CCDC181: variants seen among roughly 807,000 people sequenced by gnomAD.
The protein encoded by CCDC181 is coiled-coil domain-containing protein 181.
CCDC181 carries 35 observed loss-of-function variants against 58.7 expected under a neutral mutation model. The ratio of observed to expected loss-of-function variants is 0.60; its 90% CI spans 0.46 to 0.79. The LOEUF (loss-of-function observed/expected upper bound fraction) is 0.79. Among genes scored for constraint, CCDC181 ranks in the 30% least tolerant of loss-of-function variants. The pLI is 0.00. For synonymous variants in CCDC181, 183 were observed against 197.5 expected (o/e 0.93, Z 0.62); for missense variants, 517 against 583.9 (o/e 0.89, Z 1.18).
chr1:169,402,342 GAC>G (rs1208616383), intron 4 of CCDC181, among the ~76,000 whole-genome samples: 2 of 152,072 alleles, frequency 1.3e-5, no homozygotes, highest in Non-Finnish European at 2.9e-5. Context: ...GCAACTCCAA[GAC>G]ACATAATTGT....
At chr1:169,414,061 G>A (rs1049071921) in intron 4 of CCDC181, among the ~76,000 whole-genome samples, 8 of 152,028 alleles carry the variant, frequency 5.3e-5, no homozygotes, top group Admixed American at 5.3e-4. Context: ...AGTATAAGGA[G>A]TGGACTGCTG....
chr1:169,435,781 G>C (rs1274534133), intron 2 of CCDC181, among the ~76,000 whole-genome samples: 1 of 152,128 alleles, frequency 6.6e-6, no homozygotes, highest in Non-Finnish European at 1.5e-5. Flanking sequence ...GTGGAATTCT[G>C]TAAGAAAAAT....
At position 169,395,000 on chromosome 1, in the gene CCDC181, C is replaced by A; in HGVS notation, c.*47G>T. ...GTACACAGACCCTAAGAAATCATAT[C>A]CAAAATTTTGATAGCAGCTGCCCAC... On this transcript the variant is annotated 3_prime_UTR_variant, in exon 6 of 6. Coordinates refer to ENST00000367806, the MANE Select transcript of CCDC181 (RefSeq NM_001300969.2). 1 of 1,505,084 alleles carries A rather than the reference C, an allele frequency of 6.6e-7. No individual in the cohort carries two copies. The highest frequency in any genetic ancestry group is 9.0e-7 in the Non-Finnish European group (1 of 1,117,144). 93.2% of individuals were successfully genotyped at this position (1,505,084 alleles called of 1,614,324 possible).
In CCDC181 at chr1:169,405,836, G is replaced by C. The variant is rs540836420; in HGVS notation, c.1216-8445C>G. 3.8e-4 allele frequency among the ~76,000 whole-genome samples: 58 copies of C among 152,234 alleles called. 1 individual carries two copies. Among genetic ancestry groups the C allele is most frequent in the Admixed American group, 2.6e-3 (39 of 15,280 alleles). On this transcript the variant is annotated intron_variant, in intron 4 of 5. Transcript: ENST00000367806. ...AATTAAAATAAAGAGCTTCTGCACA[G>C]CAAAAGAAACTACCATCAGAGTGAA...
At chr1:169,397,723 G>T (rs1335527164) in intron 4 of CCDC181, among the ~76,000 whole-genome samples, 1 of 152,106 alleles carries the variant, frequency 6.6e-6, no homozygotes, top group Non-Finnish European at 1.5e-5. Context: ...AGTAGGAGTG[G>T]CTTATTTCGT....
intron 2 of CCDC181, among the ~76,000 whole-genome samples, chr1:169,433,554 T>TA (rs1425509276): frequency 6.6e-6 from 1 of 152,026 alleles, no homozygotes; most frequent in Non-Finnish European, 1.5e-5. Flanking sequence ...TAAAATAATT[T>TA]AAACTATGTG....
intron 2 of CCDC181, among the ~76,000 whole-genome samples, chr1:169,440,195 A>G (rs772419574): frequency 1.3e-4 from 20 of 152,146 alleles, no homozygotes; most frequent in Non-Finnish European, 2.6e-4. Flanking sequence ...GCACCCCACC[A>G]GTAGAGAGAG....
intron 1 of CCDC181, among the ~76,000 whole-genome samples, chr1:169,426,535 T>G (rs547839685): frequency 6.6e-6 from 1 of 152,326 alleles, no homozygotes; most frequent in African/African-American, 2.4e-5. Context: ...ATAGGTGAAC[T>G]GCCGATCTTT....
chr1:169,460,651 C>T, exon 1 of CCDC181: 1 of 152,564 alleles, frequency 6.6e-6, no homozygotes, highest in Non-Finnish European at 1.5e-5. Context: ...TCTCACTCCA[C>T]GCGCACAAAT....
rs150928752 is a variant in CCDC181, at chr1:169,446,167, C to T, written c.-24+13630G>A. 5.3e-5 allele frequency among the ~76,000 whole-genome samples: 8 copies of T among 152,092 alleles called. No homozygotes were observed. The East Asian group carries it at 5.8e-4, about 11-fold the overall frequency. Reference sequence around the variant, plus strand: ...TAGGTTTAAACTGACCTTCTTAGGCCGGGTGCGGTGGCTCACACCTATAAT... The same window carrying T: ...TAGGTTTAAACTGACCTTCTTAGGCTGGGTGCGGTGGCTCACACCTATAAT... On this transcript the variant is annotated intron_variant, in intron 2 of 6. Transcript: ENST00000545005.
chr1:169,446,878 T>C (rs1657391624), intron 2 of CCDC181, among the ~76,000 whole-genome samples: 1 of 152,190 alleles, frequency 6.6e-6, no homozygotes, highest in Admixed American at 6.5e-5. Context: ...TGTTATAAAT[T>C]TCCCTCTAAA....
intron 3 of CCDC181, 95 bp from the exon 4 acceptor site, chr1:169,419,254 A>C (rs1406498350): frequency 3.7e-6 from 5 of 1,366,206 alleles, no homozygotes; most frequent in Non-Finnish European, 4.8e-6. Context: ...TGAAATTAGG[A>C]TTCCCTGACC....
rs3766097 is a variant in CCDC181 at position 169,420,243 on chromosome 1, T to C, written c.1069-1084A>G. On this transcript the variant is annotated intron_variant, in intron 3 of 5. Coordinates refer to ENST00000367806, the MANE Select transcript of CCDC181 (RefSeq NM_001300969.2). ...ATTTTGTATTGTCACCAAATTCCTA[T>C]ACTTTCAAGTGTTTTTATACCTGAA... Among the ~76,000 whole-genome samples the C allele has an allele frequency of 0.053, 8,044 of 152,304 alleles. 1,392 individuals are homozygous for C. In the East Asian group the frequency reaches 0.67, roughly 13 times the overall value.
At chr1:169,410,656 G>A (rs1655915472) in intron 4 of CCDC181, among the ~76,000 whole-genome samples, 1 of 152,160 alleles carries the variant, frequency 6.6e-6, no homozygotes, top group Non-Finnish European at 1.5e-5. Flanking sequence ...ACACTCCTCA[G>A]CAAATGCAAA....
intron 3 of CCDC181, among the ~76,000 whole-genome samples, chr1:169,420,396 ACTT>A (rs1362037613): frequency 2.7e-5 from 3 of 109,522 alleles, no homozygotes; most frequent in Non-Finnish European, 3.8e-5. Context: ...GTCATGTTTC[ACTT>A]TTTTTTTTTT....
At chr1:169,395,482 G>A (rs1284852971) in intron 5 of CCDC181, among the ~76,000 whole-genome samples, 5 of 152,166 alleles carry the variant, frequency 3.3e-5, no homozygotes, top group Non-Finnish European at 5.9e-5. Context: ...ACTATTTTAT[G>A]TGTGCTGTAG....
chr1:169,410,210 C>CA (rs35345802), intron 4 of CCDC181, among the ~76,000 whole-genome samples: 5,350 of 85,408 alleles, frequency 0.063, 218 homozygotes, highest in African/African-American at 0.17. Context: ...AAATGGAAAG[C>CA]AAAAAAAAAA....
upstream of CCDC181, among the ~76,000 whole-genome samples, chr1:169,432,415 T>C (rs1656945833): frequency 6.6e-6 from 1 of 152,112 alleles, no homozygotes; most frequent in Non-Finnish European, 1.5e-5. Flanking sequence ...AGAAGTAGTA[T>C]GATAATTTGA....
At chr1:169,440,790 C>T (rs1490980933) in intron 2 of CCDC181, among the ~76,000 whole-genome samples, 1 of 151,764 alleles carries the variant, frequency 6.6e-6, no homozygotes, top group East Asian at 1.9e-4. Context: ...AAAAAATAGC[C>T]AGGCATGGTG....
Sources: gnomAD v4.1 joint callset for allele counts (sites outside exome capture counted in the v4.1 genomes callset) on GRCh38, gnomAD v4.1.1 for gene constraint, MANE v1.5 for transcripts, NCBI Gene and HGNC (gene_info 2026-07-23, HGNC 2026-07-21) for gene names.